Variants in EFCAB6 observed in about 807,000 individuals in gnomAD.
The protein encoded by EFCAB6 is EF-hand calcium binding domain 6.
A neutral mutation model predicts 169.8 loss-of-function variants in EFCAB6; 156 were observed. The ratio of observed to expected loss-of-function variants is 0.92; its 90% CI spans 0.81 to 1.05. The LOEUF (loss-of-function observed/expected upper bound fraction) is 1.05. Among genes scored for constraint, EFCAB6 ranks in the 50% least tolerant of loss-of-function variants. EFCAB6 has a pLI of 0.00. For synonymous variants in EFCAB6, 698 were observed against 676.4 expected (o/e 1.03, Z -0.50); for missense variants, 1,800 against 1,829.1 (o/e 0.98, Z 0.29).
intron 19 of EFCAB6, among the ~76,000 whole-genome samples, chr22:43,629,537 T>C (rs1242266363): frequency 6.6e-6 from 1 of 152,200 alleles, no homozygotes; most frequent in African/African-American, 2.4e-5. Context: ...TGGCAGGCAC[T>C]GTGGCAGCCC....
At chr22:43,673,240 C>T (rs889488508) in intron 13 of EFCAB6, among the ~76,000 whole-genome samples, 1 of 152,130 alleles carries the variant, frequency 6.6e-6, no homozygotes, top group African/African-American at 2.4e-5. Flanking sequence ...CACTCCATCC[C>T]CTCTTGTGTC....
intron 30 of EFCAB6, among the ~76,000 whole-genome samples, chr22:43,531,412 T>G (rs1195844207): frequency 6.6e-6 from 1 of 152,186 alleles, no homozygotes; most frequent in African/African-American, 2.4e-5. Context: ...CAGTCTGTGT[T>G]TTCTAGTAAG....
At chr22:43,570,495 A>G (rs955116736) in intron 26 of EFCAB6, among the ~76,000 whole-genome samples, 2 of 152,208 alleles carry the variant, frequency 1.3e-5, no homozygotes, top group Non-Finnish European at 2.9e-5. Context: ...CTTTGAATGT[A>G]AAATGTTTTT....
chr22:43,607,011 C>G (rs551123141), intron 22 of EFCAB6, among the ~76,000 whole-genome samples: 1 of 152,230 alleles, frequency 6.6e-6, no homozygotes, highest in South Asian at 2.1e-4. Context: ...GCCAGCACCC[C>G]CAGCCATCCT....
At chr22:43,631,127 C>A (rs1248443446) in intron 19 of EFCAB6, among the ~76,000 whole-genome samples, 1 of 151,728 alleles carries the variant, frequency 6.6e-6, no homozygotes, top group African/African-American at 2.4e-5. Flanking sequence ...GCTCTGATAC[C>A]CAGTCTCTCG....
intron 6 of EFCAB6, among the ~76,000 whole-genome samples, chr22:43,737,636 C>T (rs1025386757): frequency 2.0e-5 from 3 of 148,716 alleles, no homozygotes; most frequent in Non-Finnish European, 3.0e-5. Flanking sequence ...TGCAGATATT[C>T]ACATGCACAC....
At chr22:43,770,928 G>GA (rs55815179) in intron 4 of EFCAB6, among the ~76,000 whole-genome samples, 2 of 150,368 alleles carry the variant, frequency 1.3e-5, no homozygotes, top group South Asian at 2.1e-4. Flanking sequence ...TTTTAAGTCA[G>GA]AAAAAAAAAA....
In EFCAB6 at chr22:43,530,805, C is replaced by G. The variant is rs1400962227; in HGVS notation, c.4383+10G>C. The G allele has an allele frequency of 6.2e-7, 1 of 1,613,274 alleles. No individual in the cohort carries two copies. Among genetic ancestry groups the G allele is most frequent in the Non-Finnish European group, 8.5e-7 (1 of 1,180,018 alleles). On this transcript the variant is annotated intron_variant, in intron 31 of 31. Coordinates refer to ENST00000262726, the MANE Select transcript of EFCAB6 (RefSeq NM_022785.4). ...CCCTGCAGAGGCACTGGGCGCAGAG[C>G]TGTGCTCACCGTCCTGAAATCTGCG...
chr22:43,691,786 C>A (rs1346493419), intron 10 of EFCAB6, among the ~76,000 whole-genome samples: 1 of 152,032 alleles, frequency 6.6e-6, no homozygotes, highest in Non-Finnish European at 1.5e-5. Flanking sequence ...CCTACTGGCC[C>A]AACCCTCCTC....
chr22:43,767,428 A>G (rs1170998870), intron 4 of EFCAB6, among the ~76,000 whole-genome samples: 1 of 152,254 alleles, frequency 6.6e-6, no homozygotes, highest in Non-Finnish European at 1.5e-5. Context: ...AAGAAGGGCA[A>G]GAGCAGATTA....
chr22:43,697,316 T>G (rs1260675816), intron 10 of EFCAB6, among the ~76,000 whole-genome samples: 1 of 152,190 alleles, frequency 6.6e-6, no homozygotes. Context: ...GTTTCTTTAA[T>G]GACATGAAAA....
At chr22:43,540,506 C>T in intron 27 of EFCAB6, 149 bp from the exon 28 acceptor site, 2 of 1,535,002 alleles carry the variant, frequency 1.3e-6, no homozygotes, top group Non-Finnish European at 1.7e-6. Flanking sequence ...AATAAAACGC[C>T]CATTTGGCCT....
intron 17 of EFCAB6, among the ~76,000 whole-genome samples, chr22:43,640,456 CATA>C (rs1375705706): frequency 3.3e-5 from 5 of 152,258 alleles, no homozygotes; most frequent in African/African-American, 1.2e-4. Context: ...CTGTTCTGCT[CATA>C]TGTGGTTTAG....
intron 3 of EFCAB6, among the ~76,000 whole-genome samples, chr22:43,776,647 A>G (rs1243788120): frequency 6.6e-6 from 1 of 152,192 alleles, no homozygotes; most frequent in African/African-American, 2.4e-5. Flanking sequence ...CAACCAGTGA[A>G]GAACCCCTGA....
At chr22:43,598,727 C>T (rs2052249170) in intron 23 of EFCAB6, among the ~76,000 whole-genome samples, 1 of 152,144 alleles carries the variant, frequency 6.6e-6, no homozygotes, top group Non-Finnish European at 1.5e-5. Flanking sequence ...TTACACATTG[C>T]ATGCCTGTAT....
Position 43,528,987 on chromosome 22 carries a change from A to C in EFCAB6, c.4384-12T>G, listed in dbSNP as rs1463840999. ...TACTGTCTCAGGACCTGGAAGACAG[A>C]GAAAAGGGGCCTCTGAGGCTTGTTT... On this transcript the variant is annotated splice_polypyrimidine_tract_variant and intron_variant, in intron 31 of 31. Transcript: ENST00000262726. The C allele has an allele frequency of 6.4e-7, 1 of 1,566,214 alleles. No homozygotes were observed. The highest frequency in any genetic ancestry group is 2.3e-5 in the East Asian group (1 of 43,878).
At chr22:43,580,737 C>T (rs2147306317) in intron 24 of EFCAB6, 78 bp from the exon 25 acceptor site, 1 of 1,465,166 alleles carries the variant, frequency 6.8e-7, no homozygotes, top group Non-Finnish European at 9.3e-7. Flanking sequence ...AGTTGCTGAG[C>T]ACATTGGGCA....
At chr22:43,790,304 A>G (rs2062237240) in intron 2 of EFCAB6, among the ~76,000 whole-genome samples, 1 of 152,232 alleles carries the variant, frequency 6.6e-6, no homozygotes, top group East Asian at 1.9e-4. Context: ...ACAGAGGTAA[A>G]CTTCCAGAAT....
At chr22:43,587,314 A>G (rs914768557) in intron 24 of EFCAB6, among the ~76,000 whole-genome samples, 4 of 152,172 alleles carry the variant, frequency 2.6e-5, no homozygotes, top group Non-Finnish European at 5.9e-5. Context: ...AGGATTAATA[A>G]AAAGTGTATA....
Sources: allele counts gnomAD v4.1 joint callset (sites outside exome capture counted in the v4.1 genomes callset), GRCh38; gene constraint gnomAD v4.1.1; transcripts MANE v1.5; gene names NCBI Gene and HGNC (gene_info 2026-07-23, HGNC 2026-07-21).